The following MROH9 variants were observed in gnomAD, a reference collection of about 807,000 sequenced individuals.
MROH9 encodes maestro heat-like repeat-containing protein family member 9.
A neutral mutation model predicts 98.2 loss-of-function variants in MROH9; 92 were observed. The ratio of observed to expected loss-of-function variants is 0.94; its 90% CI spans 0.79 to 1.11. The LOEUF (loss-of-function observed/expected upper bound fraction) is 1.11. Ranked by LOEUF, MROH9 falls within the 50% of genes most tolerant of loss-of-function variation. MROH9 has a pLI of 0.00. For synonymous variants in MROH9, 397 were observed against 368.9 expected (o/e 1.08, Z -0.87); for missense variants, 1,057 against 1,014.8 (o/e 1.04, Z -0.57).
At chr1:170,950,487 C>A (rs1649507739) in intron 3 of MROH9, among the ~76,000 whole-genome samples, 1 of 150,922 alleles carries the variant, frequency 6.6e-6, no homozygotes, top group African/African-American at 2.4e-5. Flanking sequence ...ACCTTAGAGG[C>A]TAAAACTGCT....
At position 171,062,199 on chromosome 1, in the gene MROH9, G is replaced by T; in HGVS notation, c.2344+5G>T. ...AAATCGAAGTCATGCTTGATGGTGAGTATTGAGGTTATAACAAAATCTTTA... is the reference window on the plus strand; with the variant it reads ...AAATCGAAGTCATGCTTGATGGTGATTATTGAGGTTATAACAAAATCTTTA... On this transcript the variant is annotated splice_donor_5th_base_variant and intron_variant, in intron 21 of 21. Transcript: ENST00000367759. 6.5e-7 allele frequency: 1 copy of T among 1,540,084 alleles called. No homozygotes were observed. Among genetic ancestry groups the T allele is most frequent in the South Asian group, 1.2e-5 (1 of 83,098 alleles).
rs1265121565 is a variant in MROH9, at chr1:171,004,072, G to T, written c.1596+5798G>T. On this transcript the variant is annotated intron_variant, in intron 15 of 21. Transcript: ENST00000367759. ...CCCAGCTTCCACACAAACCAAAGGG[G>T]CAGTCTCACTCCCACCATGCCCCCT... Among the ~76,000 whole-genome samples the T allele has an allele frequency of 2.0e-5, 3 of 152,102 alleles. No homozygotes were observed. The East Asian group carries it at 5.8e-4, about 29-fold the overall frequency.
rs1344730240 is a variant in MROH9 at position 170,992,178 on chromosome 1, T to C, written c.1043T>C (p.Met348Thr). 4 of 1,611,382 alleles carry C rather than the reference T, an allele frequency of 2.5e-6. No individual in the cohort carries two copies. Among genetic ancestry groups the C allele is most frequent in the Non-Finnish European group, 3.4e-6 (4 of 1,178,834 alleles). ...TGTGTTTGCAGCACTCTGATACAGA[T>C]GTGGAAGGCGGCATGTTCTCAGGCG... ...PVPADDTLIQ[M>T]WKAACSQASV... The change falls in exon 12 of 22, where the codon ATG (methionine) becomes ACG (threonine). Residue 348 changes from methionine (M) to threonine (T), a missense_variant. Coordinates refer to ENST00000367759, the MANE Select transcript of MROH9 (RefSeq NM_001163629.2).
intron 1 of MROH9, among the ~76,000 whole-genome samples, chr1:170,940,390 G>A (rs1649077079): frequency 1.3e-5 from 2 of 152,166 alleles, no homozygotes; most frequent in South Asian, 2.1e-4. Context: ...ATGAACCAGT[G>A]TAATGTTTGT....
chr1:171,018,544 C>T (rs925516900), intron 17 of MROH9, among the ~76,000 whole-genome samples: 1 of 152,046 alleles, frequency 6.6e-6, no homozygotes, highest in Non-Finnish European at 1.5e-5. Flanking sequence ...TAGAACTGGA[C>T]GGAGGATGAG....
intron 20 of MROH9, among the ~76,000 whole-genome samples, chr1:171,040,119 T>C (rs1161607354): frequency 6.6e-6 from 1 of 152,028 alleles, no homozygotes; most frequent in Non-Finnish European, 1.5e-5. Flanking sequence ...AGAAACATAC[T>C]GCATAATCTC....
chr1:171,016,760 G>C (rs143053698), intron 17 of MROH9, among the ~76,000 whole-genome samples: 2 of 152,212 alleles, frequency 1.3e-5, no homozygotes, highest in Admixed American at 6.5e-5. Context: ...ATAAGAATTA[G>C]ATTTGATATT....
chr1:171,061,339 T>C (rs1321899219), intron 20 of MROH9, among the ~76,000 whole-genome samples: 1 of 152,132 alleles, frequency 6.6e-6, no homozygotes. Context: ...AACATAAGCA[T>C]ACCCGGTAAA....
At chr1:171,009,017 T>C (rs1360198596) in intron 15 of MROH9, among the ~76,000 whole-genome samples, 1 of 149,492 alleles carries the variant, frequency 6.7e-6, no homozygotes, top group Non-Finnish European at 1.5e-5. Context: ...TTTTATTATA[T>C]ATTATAAAAT....
intron 20 of MROH9, among the ~76,000 whole-genome samples, chr1:171,056,084 G>A (rs1653830631): frequency 6.6e-6 from 1 of 152,182 alleles, no homozygotes; most frequent in African/African-American, 2.4e-5. Flanking sequence ...ATTCTTAATA[G>A]CCTCTCAGCT....
intron 8 of MROH9, among the ~76,000 whole-genome samples, chr1:170,973,116 TAC>T (rs536538032): frequency 7.6e-5 from 11 of 145,518 alleles, no homozygotes; most frequent in Non-Finnish European, 1.2e-4. Context: ...TGCACACGCA[TAC>T]ACACACACAC....
chr1:170,974,263 G>A (rs1355030753), intron 8 of MROH9, among the ~76,000 whole-genome samples: 8 of 151,994 alleles, frequency 5.3e-5, no homozygotes, highest in Non-Finnish European at 7.4e-5. Flanking sequence ...AAAGAATAAT[G>A]ACTGAAAAAT....
rs557557061 is a variant in MROH9, at chr1:170,985,914, T to C, written c.730-647T>C. 1.6e-4 allele frequency among the ~76,000 whole-genome samples: 25 copies of C among 152,074 alleles called. 1 individual carries two copies. In the South Asian group the frequency reaches 5.2e-3, roughly 32 times the overall value. On this transcript the variant is annotated intron_variant, in intron 9 of 21. Transcript: ENST00000367759. ...TAAGGAGAGTGAAGAAAAACCTTTA[T>C]TGGTGAGATTGGGTATCCTCTGTAC...
chr1:170,948,036 C>A (rs1048432013), intron 3 of MROH9, among the ~76,000 whole-genome samples: 4 of 151,948 alleles, frequency 2.6e-5, no homozygotes, highest in Non-Finnish European at 5.9e-5. Context: ...ATTTTCTAGG[C>A]CTTTTGCAGA....
intron 3 of MROH9, among the ~76,000 whole-genome samples, chr1:170,955,883 T>C (rs34021534): frequency 0.35 from 53,066 of 152,010 alleles, 10,133 homozygotes; most frequent in African/African-American, 0.51. Flanking sequence ...GTCATGAAAT[T>C]TTTGCCTAAG....
intron 3 of MROH9, among the ~76,000 whole-genome samples, chr1:170,958,101 G>A (rs1359708752): frequency 3.3e-5 from 5 of 151,958 alleles, no homozygotes; most frequent in South Asian, 2.1e-4. Context: ...GAGCCACCAC[G>A]CCCGGCGCTG....
intron 17 of MROH9, among the ~76,000 whole-genome samples, chr1:171,017,579 A>T (rs1338251182): frequency 6.6e-6 from 1 of 152,138 alleles, no homozygotes; most frequent in African/African-American, 2.4e-5. Flanking sequence ...CCTGCTGTCT[A>T]AGCCCTTTAA....
chr1:171,001,229 T>C (rs535216462), intron 15 of MROH9, among the ~76,000 whole-genome samples: 1 of 152,094 alleles, frequency 6.6e-6, no homozygotes, highest in Non-Finnish European at 1.5e-5. Context: ...TTTTCTTTGT[T>C]TGTTTCAATT....
chr1:171,006,457 A>C (rs1486186863), intron 15 of MROH9, among the ~76,000 whole-genome samples: 1 of 151,698 alleles, frequency 6.6e-6, no homozygotes, highest in Non-Finnish European at 1.5e-5. Flanking sequence ...TTCTCTCTCT[A>C]TCTTTCTCTC....
Sources: allele counts gnomAD v4.1 joint callset (sites outside exome capture counted in the v4.1 genomes callset), GRCh38; gene constraint gnomAD v4.1.1; transcripts MANE v1.5; gene names NCBI Gene and HGNC (gene_info 2026-07-23, HGNC 2026-07-21).